VSX1: variants seen among roughly 807,000 people sequenced by gnomAD.
The protein encoded by VSX1 is visual system homeobox 1.
A neutral mutation model predicts 23.6 loss-of-function variants in VSX1; 23 were observed. The observed-to-expected ratio is 0.97, with a 90% CI of 0.70 to 1.38. The LOEUF (loss-of-function observed/expected upper bound fraction) is 1.38, where lower values mean the gene tolerates loss of function less well. Among genes scored for constraint, VSX1 ranks in the 40% most tolerant of loss-of-function variants. VSX1 has a pLI of 0.00. For synonymous variants in VSX1, 247 were observed against 215.1 expected, an observed-to-expected ratio of 1.15 and a Z score of -1.30; for missense variants, 517 against 495.4, an observed-to-expected ratio of 1.04 and a Z score of -0.41.
In VSX1 at chr20:25,075,840, A is replaced by G. The variant is rs1389803253; in HGVS notation, c.*421T>C. ...GTGTCTGTATGGAGTCTTCACTATG[A>G]TGATATCAGATTCTTCTGGATATTA... On this transcript the variant is annotated 3_prime_UTR_variant, in exon 5 of 5. Coordinates refer to ENST00000376709, the MANE Select transcript of VSX1 (RefSeq NM_014588.6). The G allele has an allele frequency of 2.5e-5, 5 of 201,322 alleles. No homozygotes were observed. In the East Asian group the frequency reaches 6.7e-4, roughly 27 times the overall value. The allele number at this position is 201,322 out of a possible 1,614,324, so 12.5% of individuals were successfully genotyped here.
downstream of VSX1, among the ~76,000 whole-genome samples, chr20:25,072,902 A>G (rs2089408919): frequency 6.6e-6 from 1 of 152,142 alleles, no homozygotes; most frequent in African/African-American, 2.4e-5. Flanking sequence ...CCTTACTAAA[A>G]CTGTAATTTT....
Position 25,082,068 on chromosome 20 carries a change from C to G in VSX1, c.29G>C (p.Gly10Ala). MTGRDSLSD[G>A]RTSSRALVPG... ...CACCAGCGCCCTGCTGCTAGTGCGC[C>G]CGTCGGAAAGCGAGTCCCGGCCGGT... Residue 10 changes from glycine (G) to alanine (A), a missense_variant, in exon 1 of 5, where the codon GGG becomes GCG. By Grantham distance (60) the Gly-to-Ala change is moderately conservative. Transcript: ENST00000376709. 6.5e-7 allele frequency: 1 copy of G among 1,538,856 alleles called. No homozygotes were observed. The highest frequency in any genetic ancestry group is 1.4e-5 in the African/African-American group (1 of 73,610).
rs2089565568 is a variant in VSX1, at chr20:25,078,698, A to G, written c.627+131T>C. ...GCAAGCTCTTGTGGTGCCTTCAGCT[A>G]AGGGACCCTCAGTTTCTATGCAAAG... On this transcript the variant is annotated intron_variant, in intron 3 of 4. Coordinates refer to ENST00000376709, the MANE Select transcript of VSX1 (RefSeq NM_014588.6). The G allele has an allele frequency of 1.9e-6, 3 of 1,610,140 alleles. No individual in the cohort carries two copies. In the African/African-American group the frequency reaches 4.0e-5, roughly 22 times the overall value.
At chr20:25,077,588 C>T (rs938815536) in intron 4 of VSX1, 97 bp downstream of exon 4, 1 of 1,436,742 alleles carries the variant, frequency 7.0e-7, no homozygotes, top group Non-Finnish European at 9.4e-7. Flanking sequence ...ACTGACGTTG[C>T]TTTGCTTTGG....
At chr20:25,072,470 A>C (rs1037758301), downstream of VSX1, 1 of 466,250 alleles carries the variant, frequency 2.1e-6, no homozygotes, top group African/African-American at 2.0e-5. Flanking sequence ...CCCCAGGCCG[A>C]TACTGTCCTG....
At chr20:25,070,908 A>G, downstream of VSX1, 1 of 411,494 alleles carries the variant, frequency 2.4e-6, no homozygotes, top group South Asian at 1.8e-5. Context: ...AAATTTAATT[A>G]ATTCTTATAA....
In VSX1 at chr20:25,081,918, ACTGCC is replaced by A; in HGVS notation, c.174_178del (p.Ala59ArgfsTer9). 1 of 1,529,638 alleles carries A rather than the reference ACTGCC, an allele frequency of 6.5e-7. No homozygotes were observed. Among genetic ancestry groups the A allele is most frequent in the Non-Finnish European group, 8.7e-7 (1 of 1,144,616 alleles). The allele number at this position is 1,529,638 out of a possible 1,614,324, so 94.8% of individuals were successfully genotyped here. A position where few individuals can be genotyped will look rare whatever the true frequency, so the allele number is the denominator to read the frequency against. ...AAGCCCCGGGCCCGGGCACGGCGCG[ACTGCC>A]GGACCCTCGCAGCCAGATCCCTGTC... On this transcript the variant is annotated frameshift_variant, in exon 1 of 5. Transcript: ENST00000376709. LOFTEE classifies it high-confidence loss of function.
Position 25,077,795 on chromosome 20 carries a change from G to A in VSX1, c.698C>T (p.Ala233Val), listed in dbSNP as rs866115963. 3.9e-6 allele frequency: 6 copies of A among 1,551,088 alleles called. No individual in the cohort carries two copies. The highest frequency in any genetic ancestry group is 8.7e-7 in the Non-Finnish European group (1 of 1,147,054). ...CATGGCCCCGTACAGCCCGTACTCG[G>A]CCATCACGCTGCTGCCGCCCCAGCG... is the stretch of plus-strand genomic sequence containing the variant. Reference protein sequence around the residue: ...EKRWGGSSVMAEYGLYGAMVR... With the variant: ...EKRWGGSSVMVEYGLYGAMVR... The change falls in exon 4 of 5, where the codon GCC (alanine) becomes GTC (valine). Residue 233 changes from alanine to valine, a missense_variant. Transcript: ENST00000376709.
chr20:25,072,085 G>A (rs1466932234), downstream of VSX1: 22 of 605,806 alleles, frequency 3.6e-5, 1 homozygote, highest in South Asian at 4.6e-4. Context: ...GAGAGGGAAA[G>A]GTGGGACTGA....
chr20:25,081,832 C>T lies in VSX1; in HGVS notation c.265G>A (p.Gly89Ser), dbSNP rs1427438735. Residue 89 changes from glycine (G) to serine (S), a missense_variant, in exon 1 of 5, where the codon GGC becomes AGC. By Grantham distance (56) the Gly-to-Ser change is moderately conservative. Transcript: ENST00000376709. ...PLGLGLLCGF[G>S]TQPPAAARAP... ...CGAGCGGCCGCCGGCGGCTGCGTGCCGAAGCCACAGAGGAGGCCGAGTCCC... is the reference window on the plus strand; with the variant it reads ...CGAGCGGCCGCCGGCGGCTGCGTGCTGAAGCCACAGAGGAGGCCGAGTCCC... 2.0e-6 allele frequency: 3 copies of T among 1,506,500 alleles called. No homozygotes were observed. Among genetic ancestry groups the T allele is most frequent in the East Asian group, 2.7e-5 (1 of 37,370 alleles). 93.3% of individuals were successfully genotyped at this position (1,506,500 alleles called of 1,614,324 possible). A position where few individuals can be genotyped will look rare whatever the true frequency, so the allele number is the denominator to read the frequency against.
At chr20:25,072,498 T>C (rs757248509), downstream of VSX1, 7 of 470,240 alleles carry the variant, frequency 1.5e-5, no homozygotes, top group Non-Finnish European at 3.1e-5. Context: ...GATCACAGTC[T>C]TATCAAAGCA....
chr20:25,070,922 A>G, downstream of VSX1: 1 of 420,050 alleles, frequency 2.4e-6, no homozygotes, highest in South Asian at 1.8e-5. Context: ...CTTATAAAGA[A>G]AGAATGAAAA....
intron 1 of VSX1, 37 bp downstream of exon 1, chr20:25,081,636 G>GGACA: frequency 6.5e-7 from 1 of 1,533,582 alleles, no homozygotes; most frequent in Non-Finnish European, 8.7e-7. Flanking sequence ...AGAGCCTAGG[G>GGACA]GACAGGGGCA....
At chr20:25,081,574 C>T in intron 1 of VSX1, 99 bp downstream of exon 1, 1 of 1,539,570 alleles carries the variant, frequency 6.5e-7, no homozygotes, top group Non-Finnish European at 8.8e-7. Flanking sequence ...AGATCTGGGC[C>T]GCTGGGGCCA....
In VSX1 at chr20:25,079,131, A is replaced by C. The variant is rs577378373; in HGVS notation, c.504-179T>G. 2.0e-5 allele frequency among the ~76,000 whole-genome samples: 3 copies of C among 152,276 alleles called. No individual in the cohort carries two copies. The East Asian group carries it at 5.8e-4, about 29-fold the overall frequency. Reference sequence around the variant, plus strand: ...ATGTCCAGAAATTTGATTCAAACGAAAACAGTTCTTTAGCTCTTTCTTAAT... The same window carrying C: ...ATGTCCAGAAATTTGATTCAAACGACAACAGTTCTTTAGCTCTTTCTTAAT... On this transcript the variant is annotated intron_variant, in intron 2 of 4. Transcript: ENST00000376709.
At chr20:25,078,541 T>C (rs1161781556) in intron 3 of VSX1, 9 of 1,351,798 alleles carry the variant, frequency 6.7e-6, no homozygotes, top group Non-Finnish European at 8.5e-6. Context: ...GATGGAGAGG[T>C]AGTCTCTTTT....
downstream of VSX1, among the ~76,000 whole-genome samples, chr20:25,074,219 T>C (rs1015049987): frequency 1.3e-5 from 2 of 152,172 alleles, no homozygotes. Flanking sequence ...TCTGCTGTCA[T>C]CCCCATTTTA....
rs1238482872 is a variant in VSX1 at position 25,082,032 on chromosome 20, G to C, written c.65C>G (p.Ser22Cys). The C allele has an allele frequency of 2.6e-6, 4 of 1,537,048 alleles. No individual in the cohort carries two copies. The South Asian group carries it at 4.7e-5, about 18-fold the overall frequency. ...TSSRALVPGG[S>C]PRGSRPRGFA... ...GCCCCGGGGGCGCGAGCCCCTAGGG[G>C]AACCGCCAGGCACCAGCGCCCTGCT... The change falls in exon 1 of 5, where the codon TCC becomes TGC. Residue 22 changes from serine (S) to cysteine (C), a missense_variant. Ser to Cys is a moderately radical substitution (Grantham distance 112, BLOSUM62 -1). Coordinates refer to ENST00000376709, the MANE Select transcript of VSX1 (RefSeq NM_014588.6).
downstream of VSX1, chr20:25,072,747 C>T (rs73331206): frequency 0.014 from 6,616 of 458,342 alleles, 344 homozygotes; most frequent in African/African-American, 0.12. Context: ...AAGGAAAAAG[C>T]ATTATTTGTT....
Sources: gnomAD v4.1 joint callset for allele counts (sites outside exome capture counted in the v4.1 genomes callset) on GRCh38, gnomAD v4.1.1 for gene constraint, MANE v1.5 for transcripts, NCBI Gene and HGNC (gene_info 2026-07-23, HGNC 2026-07-21) for gene names.